PPM1L: variants seen among roughly 807,000 people sequenced by gnomAD.
PPM1L encodes protein phosphatase, Mg2+/Mn2+ dependent 1L, also known as protein phosphatase 1L.
PPM1L carries 13 observed loss-of-function variants against 31.4 expected under a neutral mutation model. The observed-to-expected ratio is 0.41, with a 90% CI of 0.27 to 0.66. The LOEUF is 0.66. Among genes scored for constraint, PPM1L ranks in the 30% least tolerant of loss-of-function variants. PPM1L has a pLI of 0.29. For synonymous variants in PPM1L, 184 were observed against 175.4 expected (o/e 1.05, Z -0.39); for missense variants, 326 against 453.7 (o/e 0.72, Z 2.56).
At chr3:160,925,703 T>C (rs930397097) in intron 1 of PPM1L, among the ~76,000 whole-genome samples, 5 of 152,202 alleles carry the variant, frequency 3.3e-5, no homozygotes, top group African/African-American at 1.2e-4. Context: ...GTATAAGAGA[T>C]ACATGAGATC....
chr3:160,867,370 GT>G (rs1712130261), intron 1 of PPM1L, among the ~76,000 whole-genome samples: 1 of 142,894 alleles, frequency 7.0e-6, no homozygotes, highest in Admixed American at 7.1e-5. Context: ...GGCTTGTGAA[GT>G]TGTTTGTATT....
At chr3:160,986,026 T>C (rs1716953661) in intron 2 of PPM1L, among the ~76,000 whole-genome samples, 1 of 151,290 alleles carries the variant, frequency 6.6e-6, no homozygotes, top group South Asian at 2.1e-4. Flanking sequence ...TCAGGGTAGA[T>C]AGAACAATTT....
intron 1 of PPM1L, among the ~76,000 whole-genome samples, chr3:160,952,499 C>T (rs914092393): frequency 3.3e-5 from 5 of 152,188 alleles, no homozygotes; most frequent in South Asian, 2.1e-4. Flanking sequence ...GATCATCCCT[C>T]GGTGACCATT....
chr3:161,053,236 C>A (rs538296664), intron 2 of PPM1L, among the ~76,000 whole-genome samples: 1 of 152,282 alleles, frequency 6.6e-6, no homozygotes, highest in South Asian at 2.1e-4. Context: ...ATTGTATAAT[C>A]TGAAATGCCA....
intron 1 of PPM1L, among the ~76,000 whole-genome samples, chr3:160,851,957 A>G (rs1401153694): frequency 6.6e-6 from 1 of 152,196 alleles, no homozygotes. Context: ...TTTTCCCCTC[A>G]AAGAGTAGAT....
At chr3:160,927,044 G>A (rs1714619364) in intron 1 of PPM1L, among the ~76,000 whole-genome samples, 1 of 152,164 alleles carries the variant, frequency 6.6e-6, no homozygotes, top group Non-Finnish European at 1.5e-5. Flanking sequence ...TTCCACCTAA[G>A]GCAAATGTGT....
chr3:160,853,392 C>A (rs1057018617), intron 1 of PPM1L, among the ~76,000 whole-genome samples: 1 of 152,090 alleles, frequency 6.6e-6, no homozygotes, highest in Non-Finnish European at 1.5e-5. Context: ...CATAATCTTT[C>A]TAAAATCCCA....
chr3:161,001,746 T>C (rs982743949), intron 2 of PPM1L, among the ~76,000 whole-genome samples: 4 of 152,164 alleles, frequency 2.6e-5, no homozygotes, highest in Non-Finnish European at 5.9e-5. Context: ...AGGATTAGGA[T>C]TGGAAAAGAT....
chr3:160,934,850 G>GGCT (rs1252647724), intron 1 of PPM1L, among the ~76,000 whole-genome samples: 1 of 152,040 alleles, frequency 6.6e-6, no homozygotes, highest in African/African-American at 2.4e-5. Context: ...CTGCTTGGGA[G>GGCT]GCTGAGGCAG....
intron 1 of PPM1L, among the ~76,000 whole-genome samples, chr3:160,770,321 T>C (rs1715217222): frequency 6.6e-6 from 1 of 152,204 alleles, no homozygotes; most frequent in Admixed American, 6.5e-5. Flanking sequence ...GATGTTATCA[T>C]GTTCCTGTGT....
At chr3:160,913,118 G>T (rs955109757) in intron 1 of PPM1L, among the ~76,000 whole-genome samples, 4 of 152,148 alleles carry the variant, frequency 2.6e-5, no homozygotes, top group African/African-American at 9.7e-5. Context: ...TGTTCCTGGA[G>T]ACATGATTAA....
chr3:160,847,288 A>G (rs1714107147), intron 1 of PPM1L, among the ~76,000 whole-genome samples: 1 of 152,152 alleles, frequency 6.6e-6, no homozygotes. Context: ...ATTTTTCCTA[A>G]AAAATTTAGA....
Position 160,783,974 on chromosome 3 carries a change from G to T in PPM1L, c.399+27267G>T, listed in dbSNP as rs6791115. Among the ~76,000 whole-genome samples, 1,454 of 152,210 alleles carry T rather than the reference G, an allele frequency of 9.6e-3. 23 individuals carry two copies. The highest frequency in any genetic ancestry group is 0.032 in the African/African-American group (1,340 of 41,538). On this transcript the variant is annotated intron_variant, in intron 1 of 3. Transcript: ENST00000498165. Reference sequence around the variant, plus strand: ...GAAGAGAATCCTACATTTATTTTAGGTTACAAGTATCTAAAAAGAATATAA... The same window carrying T: ...GAAGAGAATCCTACATTTATTTTAGTTTACAAGTATCTAAAAAGAATATAA...
rs1718259860 is a variant in PPM1L at position 161,022,464 on chromosome 3, A to G, written c.575-42939A>G. The G allele has an allele frequency of 1.5e-5, 4 of 262,478 alleles. No homozygotes were observed. The Admixed American group carries it at 2.1e-4, about 14-fold the overall frequency. 16.3% of individuals were successfully genotyped at this position (262,478 alleles called of 1,614,324 possible). On this transcript the variant is annotated intron_variant, in intron 2 of 3. Transcript: ENST00000498165. Reference sequence around the variant, plus strand: ...TAAAATCCTGCTTCTGTAAAAAAATACATTTCTATTGTCTATTATATTTAC... The same window carrying G: ...TAAAATCCTGCTTCTGTAAAAAAATGCATTTCTATTGTCTATTATATTTAC...
intron 1 of PPM1L, among the ~76,000 whole-genome samples, chr3:160,947,639 T>C (rs1715451772): frequency 1.3e-5 from 2 of 152,136 alleles, no homozygotes; most frequent in African/African-American, 4.8e-5. Flanking sequence ...ACATGTCTAC[T>C]TCTGCCCACT....
In PPM1L at chr3:160,915,446, G is replaced by C. The variant is rs922734128; in HGVS notation, c.400-46290G>C. On this transcript the variant is annotated intron_variant, in intron 1 of 3. Transcript: ENST00000498165. ...AATGGAAGAACATTCCATGTTCATG[G>C]GTAGGAAGAATCAGTATCATGAAAA... Among the ~76,000 whole-genome samples, 4 of 150,292 alleles carry C rather than the reference G, an allele frequency of 2.7e-5. No homozygotes were observed. In the South Asian group the frequency reaches 8.5e-4, roughly 32 times the overall value.
chr3:160,870,340 T>C (rs959993684), intron 1 of PPM1L, among the ~76,000 whole-genome samples: 8 of 152,168 alleles, frequency 5.3e-5, no homozygotes, highest in African/African-American at 1.9e-4. Flanking sequence ...TAGAATATGA[T>C]AGAAGATTGT....
intron 1 of PPM1L, among the ~76,000 whole-genome samples, chr3:160,801,128 TACACACACACACACACAC>T (rs10575984): frequency 1.1e-4 from 16 of 145,688 alleles, no homozygotes; most frequent in African/African-American, 2.8e-4. Flanking sequence ...TGTTTAGTGA[TACACACACACACACACAC>T]ACACACACAC....
At chr3:160,871,856 T>C (rs1712317900) in intron 1 of PPM1L, among the ~76,000 whole-genome samples, 1 of 152,186 alleles carries the variant, frequency 6.6e-6, no homozygotes, top group Non-Finnish European at 1.5e-5. Flanking sequence ...TTTTTTATTA[T>C]GGTTCACATT....
Sources: gnomAD v4.1 joint callset for allele counts (sites outside exome capture counted in the v4.1 genomes callset) on GRCh38, gnomAD v4.1.1 for gene constraint, MANE v1.5 for transcripts, NCBI Gene and HGNC (gene_info 2026-07-23, HGNC 2026-07-21) for gene names.